Variants in RNF13 observed in about 807,000 individuals in gnomAD.
RNF13 encodes the protein ring finger protein 13.
RNF13 carries 19 observed loss-of-function variants against 37.7 expected under a neutral mutation model. That is an observed-to-expected ratio of 0.50 (90% CI 0.35 to 0.74). RNF13 has a LOEUF of 0.74. Ranked by LOEUF, RNF13 falls within the 30% of genes least tolerant of loss-of-function variation. The pLI, the probability that RNF13 is intolerant of heterozygous loss-of-function variation, is 0.01. For missense variants in RNF13, 375 were observed against 453.0 expected, an observed-to-expected ratio of 0.83 and a Z score of 1.56; for synonymous variants, 144 against 157.8, an observed-to-expected ratio of 0.91 and a Z score of 0.65.
intron 1 of RNF13, among the ~76,000 whole-genome samples, chr3:149,840,778 TTGGTAGGAGGTAGGAGGATAGAGAC>T (rs1000505447): frequency 2.0e-5 from 3 of 152,166 alleles, no homozygotes; most frequent in African/African-American, 7.2e-5. Context: ...GTTCACTAGC[TTGGTAGGAGGTAGGAGGATAGAGAC>T]TGGGAGCACA....
At chr3:149,934,598 C>T (rs1000166775) in intron 8 of RNF13, among the ~76,000 whole-genome samples, 1 of 151,060 alleles carries the variant, frequency 6.6e-6, no homozygotes, top group Non-Finnish European at 1.5e-5. Flanking sequence ...CTTTATTGAC[C>T]CATTTTTTAT....
chr3:149,948,545 A>G (rs760718229), intron 8 of RNF13, among the ~76,000 whole-genome samples: 9 of 152,204 alleles, frequency 5.9e-5, no homozygotes, highest in Non-Finnish European at 1.2e-4. Flanking sequence ...TCCATAAAAC[A>G]TCTTAAAAGT....
Position 149,897,376 on chromosome 3 carries a change from T to A in RNF13, c.409+1816T>A, listed in dbSNP as rs76942703. On this transcript the variant is annotated intron_variant, in intron 5 of 9. Coordinates refer to ENST00000392894, the MANE Select transcript of RNF13 (RefSeq NM_183381.3). The stretch of plus-strand genomic sequence containing the variant: ...TTGTAAACTATTTACTCTTTTGACA[T>A]GTTTTCAGTAAAAATTTTGCAGGCT... 1.3e-4 allele frequency among the ~76,000 whole-genome samples: 20 copies of A among 152,384 alleles called. No individual in the cohort carries two copies. The East Asian group carries it at 3.9e-3, about 29-fold the overall frequency.
intron 2 of RNF13, chr3:149,851,210 C>T (rs1367194317): frequency 6.6e-6 from 1 of 152,230 alleles, no homozygotes; most frequent in Non-Finnish European, 1.5e-5. Flanking sequence ...GTCCAGTCTT[C>T]CTGTATGCTG....
intron 8 of RNF13, chr3:149,939,272 C>T: frequency 2.1e-6 from 1 of 473,454 alleles, no homozygotes. Flanking sequence ...ATCCAGTTTC[C>T]TCATCATCAA....
chr3:149,839,702 G>A (rs74651698), intron 1 of RNF13, among the ~76,000 whole-genome samples: 4,542 of 152,066 alleles, frequency 0.03, 80 homozygotes, highest in South Asian at 0.036. Flanking sequence ...TCAAGATGTG[G>A]TTTGGTTGGG....
intron 1 of RNF13, among the ~76,000 whole-genome samples, chr3:149,841,961 C>A (rs1300650444): frequency 2.0e-5 from 3 of 152,054 alleles, no homozygotes; most frequent in Non-Finnish European, 4.4e-5. Context: ...AAATTTTAGA[C>A]CCTCTTGCGC....
chr3:149,835,867 GGGATTGCTGGATTCCCAGTAC>G (rs1721573048), intron 1 of RNF13, among the ~76,000 whole-genome samples: 1 of 117,642 alleles, frequency 8.5e-6, no homozygotes, highest in African/African-American at 3.8e-5. Flanking sequence ...CCCCAGTACT[GGGATTGCTGGATTCCCAGTAC>G]TGGGATTGCT....
intron 4 of RNF13, among the ~76,000 whole-genome samples, chr3:149,890,415 G>C (rs184945744): frequency 2.6e-5 from 4 of 152,098 alleles, no homozygotes; most frequent in East Asian, 1.9e-4. Flanking sequence ...TCTCACTTCT[G>C]ACTGTCCAAC....
chr3:149,895,649 T>C, intron 5 of RNF13, 89 bp downstream of exon 5: 1 of 832,916 alleles, frequency 1.2e-6, no homozygotes, highest in East Asian at 2.7e-5. Context: ...TCATTTTCTT[T>C]TTAAAAAGCA....
chr3:149,875,977 A>AGT (rs1712644265), intron 4 of RNF13, among the ~76,000 whole-genome samples: 3 of 50,024 alleles, frequency 6.0e-5, no homozygotes, highest in African/African-American at 3.0e-4. Context: ...TACGACTTTA[A>AGT]AAAAAATCTG....
At chr3:149,851,432 A>G (rs566895070) in intron 2 of RNF13, 9 of 152,248 alleles carry the variant, frequency 5.9e-5, no homozygotes, top group Admixed American at 1.3e-4. Context: ...AGGCTAGGAT[A>G]GCGTTAACCA....
chr3:149,830,109 T>C (rs1269729306), intron 1 of RNF13, among the ~76,000 whole-genome samples: 2 of 124,374 alleles, frequency 1.6e-5, no homozygotes, highest in Admixed American at 1.8e-4. Flanking sequence ...TATTTCATCA[T>C]AGCAGTATGA....
intron 8 of RNF13, among the ~76,000 whole-genome samples, chr3:149,951,579 G>T (rs945241897): frequency 6.6e-6 from 1 of 152,154 alleles, no homozygotes; most frequent in African/African-American, 2.4e-5. Flanking sequence ...CCATGCTTCA[G>T]TCCACCCCTG....
At chr3:149,829,441 T>C (rs1198306393) in intron 1 of RNF13, among the ~76,000 whole-genome samples, 2 of 152,184 alleles carry the variant, frequency 1.3e-5, no homozygotes, top group Non-Finnish European at 2.9e-5. Context: ...AGTAAAAAAT[T>C]GATCATTTTG....
intron 1 of RNF13, among the ~76,000 whole-genome samples, chr3:149,827,433 A>T (rs1720613087): frequency 6.6e-6 from 1 of 152,138 alleles, no homozygotes; most frequent in South Asian, 2.1e-4. Flanking sequence ...AACATTTTTA[A>T]TGTTACGGTC....
chr3:149,873,096 G>A (rs752815161), intron 4 of RNF13, among the ~76,000 whole-genome samples: 7 of 152,114 alleles, frequency 4.6e-5, no homozygotes, highest in Non-Finnish European at 7.4e-5. Flanking sequence ...AAATTTAACT[G>A]TTTTATCCAG....
intron 3 of RNF13, among the ~76,000 whole-genome samples, chr3:149,864,694 A>G (rs549068212): frequency 6.6e-6 from 1 of 152,340 alleles, no homozygotes; most frequent in African/African-American, 2.4e-5. Context: ...TGTGTTAAGT[A>G]AAACAAAACT....
rs3039646 is a variant in RNF13, at chr3:149,835,633, TTGTGTG to T, written c.-16-10350_-16-10345del. On this transcript the variant is annotated intron_variant, in intron 1 of 9. Coordinates refer to ENST00000392894, the MANE Select transcript of RNF13 (RefSeq NM_183381.3). The stretch of plus-strand genomic sequence containing the variant: ...ATTTTTATGGCTGCGTAGTATTCCA[TTGTGTG>T]TGTGTGTGTGTGTGTGTGTGTGTGT... Among the ~76,000 whole-genome samples, 283 of 138,832 alleles carry T rather than the reference TTGTGTG, an allele frequency of 2.0e-3. 1 individual carries two copies. The highest frequency in any genetic ancestry group is 4.3e-3 in the African/African-American group (163 of 38,186). 91.1% of individuals were successfully genotyped at this position (138,832 alleles called of 152,430 possible). A position where few individuals can be genotyped will look rare whatever the true frequency, so the allele number is the denominator to read the frequency against.
Sources: gnomAD v4.1 joint callset for allele counts (sites outside exome capture counted in the v4.1 genomes callset) on GRCh38, gnomAD v4.1.1 for gene constraint, MANE v1.5 for transcripts, NCBI Gene and HGNC (gene_info 2026-07-23, HGNC 2026-07-21) for gene names.